Variants in TENM4 observed in about 807,000 individuals in gnomAD.
TENM4 encodes teneurin transmembrane protein 4.
Under a neutral mutation model 243.3 loss-of-function variants are expected in TENM4, and 82 were observed. The observed-to-expected ratio is 0.34, with a 90% CI of 0.28 to 0.40. The LOEUF is 0.40. Ranked by LOEUF, TENM4 falls within the 10% of genes least tolerant of loss-of-function variation. The pLI is 1.00. For synonymous variants in TENM4, 1,412 were observed against 1,456.3 expected, an observed-to-expected ratio of 0.97 and a Z score of 0.69; for missense variants, 3,138 against 3,673.3, an observed-to-expected ratio of 0.85 and a Z score of 3.77.
chr11:79,396,931 C>T (rs566190927), intron 1 of TENM4, among the ~76,000 whole-genome samples: 1 of 152,312 alleles, frequency 6.6e-6, no homozygotes, highest in African/African-American at 2.4e-5. Context: ...GGAGCCTGGG[C>T]TGCTGTCATT....
At chr11:78,995,515 T>G (rs978893334) in intron 6 of TENM4, among the ~76,000 whole-genome samples, 1 of 152,230 alleles carries the variant, frequency 6.6e-6, no homozygotes, top group African/African-American at 2.4e-5. Flanking sequence ...AAGAGCCATT[T>G]GGATTTCTAA....
intron 7 of TENM4, among the ~76,000 whole-genome samples, chr11:78,892,646 G>A (rs1855696197): frequency 6.6e-6 from 1 of 152,206 alleles, no homozygotes; most frequent in Non-Finnish European, 1.5e-5. Flanking sequence ...CTAATGCTAA[G>A]TATAATAGTT....
intron 6 of TENM4, among the ~76,000 whole-genome samples, chr11:78,968,913 C>T (rs909809795): frequency 3.9e-5 from 6 of 152,176 alleles, no homozygotes; most frequent in Non-Finnish European, 8.8e-5. Context: ...GCAGAAAGAC[C>T]ATGAACTTCC....
chr11:78,749,413 A>G (rs1856130374), intron 19 of TENM4: 1 of 151,352 alleles, frequency 6.6e-6, no homozygotes, highest in Non-Finnish European at 1.5e-5. Context: ...TTGTTCTGAA[A>G]ATGCAGGAGT....
intron 6 of TENM4, among the ~76,000 whole-genome samples, chr11:79,034,948 T>C (rs1591227906): frequency 6.6e-6 from 1 of 152,056 alleles, no homozygotes; most frequent in South Asian, 2.1e-4. Context: ...CTGGAGGGGG[T>C]CTGAGGAGCT....
intron 3 of TENM4, among the ~76,000 whole-genome samples, chr11:79,159,099 G>T (rs1286455816): frequency 6.6e-6 from 1 of 152,148 alleles, no homozygotes; most frequent in Non-Finnish European, 1.5e-5. Flanking sequence ...TTCTGTGGTG[G>T]TGACCCTCAA....
chr11:79,088,227 G>A (rs1357536125), intron 4 of TENM4, among the ~76,000 whole-genome samples: 1 of 152,206 alleles, frequency 6.6e-6, no homozygotes, highest in African/African-American at 2.4e-5. Flanking sequence ...GAAACCCAGA[G>A]GGTGATGGTA....
intron 4 of TENM4, among the ~76,000 whole-genome samples, chr11:79,135,755 A>G (rs558976447): frequency 1.6e-5 from 2 of 127,552 alleles, no homozygotes; most frequent in South Asian, 2.6e-4. Context: ...ATATACATAT[A>G]TGTATATATC....
chr11:79,405,788 A>AT (rs1398732785), intron 1 of TENM4, among the ~76,000 whole-genome samples: 1 of 150,720 alleles, frequency 6.6e-6, no homozygotes, highest in Non-Finnish European at 1.5e-5. Context: ...ATTTACGCAT[A>AT]TAAAAATGAT....
At chr11:79,325,235 T>A (rs1276942807) in intron 1 of TENM4, among the ~76,000 whole-genome samples, 1 of 152,188 alleles carries the variant, frequency 6.6e-6, no homozygotes. Flanking sequence ...CGTCCACACT[T>A]TTAATGACTC....
chr11:78,824,587 C>G (rs370227119), intron 12 of TENM4, among the ~76,000 whole-genome samples: 4 of 151,618 alleles, frequency 2.6e-5, no homozygotes, highest in South Asian at 2.1e-4. Flanking sequence ...CTGCAACCTC[C>G]GCCTCCCGGT....
At chr11:79,379,334 C>A (rs1046345052) in intron 1 of TENM4, among the ~76,000 whole-genome samples, 1 of 152,176 alleles carries the variant, frequency 6.6e-6, no homozygotes, top group African/African-American at 2.4e-5. Context: ...GCTAAACCTA[C>A]TTTGAGGGTT....
At chr11:78,951,682 T>C (rs545894776) in intron 6 of TENM4, among the ~76,000 whole-genome samples, 4 of 152,294 alleles carry the variant, frequency 2.6e-5, no homozygotes, top group African/African-American at 9.6e-5. Context: ...TTGGGGTCTC[T>C]TCCTCTTTTA....
chr11:78,903,830 T>G (rs1312533849), intron 6 of TENM4: 1 of 647,776 alleles, frequency 1.5e-6, no homozygotes, highest in South Asian at 1.5e-5. Flanking sequence ...TCACATTGTT[T>G]CATGCTTTTA....
intron 12 of TENM4, among the ~76,000 whole-genome samples, chr11:78,825,241 T>G (rs938337691): frequency 6.6e-6 from 1 of 152,226 alleles, no homozygotes; most frequent in East Asian, 1.9e-4. Context: ...GAAGTCACTG[T>G]ATCTGAGTCT....
intron 18 of TENM4, among the ~76,000 whole-genome samples, chr11:78,766,984 T>C (rs1277023358): frequency 6.6e-6 from 1 of 152,146 alleles, no homozygotes; most frequent in Non-Finnish European, 1.5e-5. Flanking sequence ...TTTTTTCTTT[T>C]TGTCTCATAG....
intron 12 of TENM4, among the ~76,000 whole-genome samples, chr11:78,830,049 G>A (rs766702269): frequency 2.6e-5 from 4 of 152,164 alleles, no homozygotes; most frequent in Non-Finnish European, 5.9e-5. Flanking sequence ...ACAACACACA[G>A]GGATGCACCC....
intron 1 of TENM4, among the ~76,000 whole-genome samples, chr11:79,378,062 T>C (rs910911787): frequency 1.5e-4 from 23 of 152,198 alleles, no homozygotes; most frequent in Admixed American, 9.2e-4. Context: ...AATTGACTTT[T>C]CTAGACCCAC....
chr11:78,785,921 G>A (rs974877460), intron 16 of TENM4, among the ~76,000 whole-genome samples: 6 of 151,730 alleles, frequency 4.0e-5, no homozygotes, highest in African/African-American at 7.3e-5. Context: ...AAGGTACCTG[G>A]AATCCTGCCT....
Sources: allele counts gnomAD v4.1 joint callset (sites outside exome capture counted in the v4.1 genomes callset), GRCh38; gene constraint gnomAD v4.1.1; transcripts MANE v1.5; gene names NCBI Gene and HGNC (gene_info 2026-07-23, HGNC 2026-07-21).